Variants in FHIT observed in about 807,000 individuals in gnomAD.
FHIT encodes the protein bis(5'-adenosyl)-triphosphatase.
FHIT carries 19 observed loss-of-function variants against 17.9 expected under a neutral mutation model. That is an observed-to-expected ratio of 1.06 (90% confidence interval 0.74 to 1.56). The LOEUF (loss-of-function observed/expected upper bound fraction) is 1.56. Among genes scored for constraint, FHIT ranks in the 40% most tolerant of loss-of-function variants. The pLI, the probability that FHIT is intolerant of heterozygous loss-of-function variation, is 0.00. For synonymous variants in FHIT, 81 were observed against 69.7 expected, an observed-to-expected ratio of 1.16 and a Z score of -0.81; for missense variants, 248 against 189.2, an observed-to-expected ratio of 1.31 and a Z score of -1.82.
At chr3:59,935,862 C>T (rs113333856) in intron 7 of FHIT, among the ~76,000 whole-genome samples, 3 of 152,150 alleles carry the variant, frequency 2.0e-5, no homozygotes, top group East Asian at 1.9e-4. Flanking sequence ...TGATTTTCTT[C>T]GCCATTCTTG....
chr3:59,807,259 A>G (rs965478712), intron 8 of FHIT, among the ~76,000 whole-genome samples: 2 of 152,222 alleles, frequency 1.3e-5, no homozygotes, highest in East Asian at 1.9e-4. Context: ...CCCCAAATCC[A>G]ATGTCACACA....
rs113516809 is a variant in FHIT, at chr3:59,819,441, C to T, written c.349-67120G>A. On this transcript the variant is annotated intron_variant, in intron 8 of 9. Transcript: ENST00000492590. ...TGCTTTGTGGAGACAATTACCAGTG[C>T]TATATCCCTATTTTTCTTTTTCTTG... Among the ~76,000 whole-genome samples, 1,061 of 152,044 alleles carry T rather than the reference C, an allele frequency of 7.0e-3. 14 individuals are homozygous for T. Among genetic ancestry groups the T allele is most frequent in the African/African-American group, 0.024 (1,002 of 41,460 alleles).
At chr3:60,219,932 T>C (rs567214265) in intron 5 of FHIT, among the ~76,000 whole-genome samples, 55 of 152,310 alleles carry the variant, frequency 3.6e-4, no homozygotes, top group African/African-American at 1.3e-3. Context: ...TTCAGTCAAC[T>C]TGCAATTACT....
chr3:59,882,462 A>G (rs1290632933), intron 8 of FHIT, among the ~76,000 whole-genome samples: 1 of 81,172 alleles, frequency 1.2e-5, no homozygotes, highest in African/African-American at 4.6e-5. Context: ...ACTGTAATTG[A>G]GTTTTAGAAA....
At chr3:61,250,996 C>A (rs908215671) in intron 1 of FHIT, among the ~76,000 whole-genome samples, 13 of 152,172 alleles carry the variant, frequency 8.5e-5, no homozygotes, top group African/African-American at 3.1e-4. Flanking sequence ...GCCGACTACA[C>A]CCCCAGAGCC....
chr3:60,538,040 T>G (rs171352), intron 4 of FHIT, among the ~76,000 whole-genome samples: 7,883 of 152,258 alleles, frequency 0.052, 286 homozygotes, highest in Middle Eastern at 0.071. Flanking sequence ...AAGTGATGTC[T>G]TTTTGTATGC....
chr3:60,820,379 A>G (rs1442133106), intron 4 of FHIT, among the ~76,000 whole-genome samples: 3 of 152,204 alleles, frequency 2.0e-5, no homozygotes, highest in Admixed American at 6.5e-5. Context: ...AATTATATGT[A>G]AAGGCTCATA....
chr3:59,763,122 T>A (rs1701611688), intron 8 of FHIT, among the ~76,000 whole-genome samples: 1 of 152,210 alleles, frequency 6.6e-6, no homozygotes, highest in Admixed American at 6.5e-5. Context: ...CCCACAGTAC[T>A]CAGAACAAGG....
At chr3:60,314,543 CTT>C (rs954945764) in intron 5 of FHIT, among the ~76,000 whole-genome samples, 18 of 152,120 alleles carry the variant, frequency 1.2e-4, no homozygotes, top group African/African-American at 4.1e-4. Flanking sequence ...TGGAGGGTTT[CTT>C]TTGTTGTTTG....
chr3:60,356,066 AC>A (rs567578926), intron 5 of FHIT, among the ~76,000 whole-genome samples: 1 of 152,338 alleles, frequency 6.6e-6, no homozygotes, highest in Non-Finnish European at 1.5e-5. Flanking sequence ...TTCACACTGT[AC>A]CAGAGAAAGA....
intron 2 of FHIT, among the ~76,000 whole-genome samples, chr3:61,119,957 C>G (rs11718931): frequency 6.6e-6 from 1 of 152,162 alleles, no homozygotes; most frequent in South Asian, 2.1e-4. Context: ...GACTTCTCCA[C>G]CTCCATAATC....
At chr3:60,056,628 C>T (rs1465668704) in intron 5 of FHIT, among the ~76,000 whole-genome samples, 1 of 152,212 alleles carries the variant, frequency 6.6e-6, no homozygotes, top group East Asian at 1.9e-4. Context: ...TGAAATGATG[C>T]CACCACCGGT....
intron 5 of FHIT, among the ~76,000 whole-genome samples, chr3:60,297,679 G>C (rs1038256777): frequency 6.6e-6 from 1 of 152,026 alleles, no homozygotes; most frequent in Non-Finnish European, 1.5e-5. Flanking sequence ...AGTATTAAAA[G>C]TATCAGAACT....
rs117738111 is a variant in FHIT, at chr3:60,173,692, T to A, written c.104-159540A>T. Among the ~76,000 whole-genome samples the A allele has an allele frequency of 2.4e-4, 36 of 151,496 alleles. No individual in the cohort carries two copies. The East Asian group carries it at 7.1e-3, about 30-fold the overall frequency. On this transcript the variant is annotated intron_variant, in intron 5 of 9. Coordinates refer to ENST00000492590, the MANE Select transcript of FHIT (RefSeq NM_002012.4). ...GGGCTGCAGAATTTTGGAGAATTCCTCACGCTGTCTGCTCAACTGGTCTCA... is the reference window on the plus strand; with the variant it reads ...GGGCTGCAGAATTTTGGAGAATTCCACACGCTGTCTGCTCAACTGGTCTCA...
intron 4 of FHIT, among the ~76,000 whole-genome samples, chr3:60,803,570 A>G (rs1553733001): frequency 1.3e-5 from 2 of 152,182 alleles, no homozygotes; most frequent in African/African-American, 4.8e-5. Context: ...TTTTATGTGG[A>G]AAGTTACTGA....
At chr3:59,750,563 G>A (rs1700838717) in intron 9 of FHIT, 1 of 226,306 alleles carries the variant, frequency 4.4e-6, no homozygotes, top group Admixed American at 5.7e-5. Context: ...ATGAAAGACA[G>A]CCTCTGTTAT....
At chr3:60,185,224 G>A (rs1420760246) in intron 5 of FHIT, among the ~76,000 whole-genome samples, 1 of 152,054 alleles carries the variant, frequency 6.6e-6, no homozygotes, top group Non-Finnish European at 1.5e-5. Flanking sequence ...ACCATTTACA[G>A]CGTCAAATTG....
At chr3:60,455,551 G>A (rs907955010) in intron 5 of FHIT, among the ~76,000 whole-genome samples, 4 of 152,098 alleles carry the variant, frequency 2.6e-5, no homozygotes, top group Non-Finnish European at 4.4e-5. Flanking sequence ...CACATAGTGG[G>A]TTGCTTGTTT....
At chr3:59,884,033 A>C (rs373814163) in intron 8 of FHIT, among the ~76,000 whole-genome samples, 36 of 152,212 alleles carry the variant, frequency 2.4e-4, no homozygotes, top group Admixed American at 2.2e-3. Context: ...AAAAATGTCA[A>C]CCAATATTCA....
Sources: gnomAD v4.1 joint callset for allele counts (sites outside exome capture counted in the v4.1 genomes callset) on GRCh38, gnomAD v4.1.1 for gene constraint, MANE v1.5 for transcripts, NCBI Gene and HGNC (gene_info 2026-07-23, HGNC 2026-07-21) for gene names.